APIP: variants seen among roughly 807,000 people sequenced by gnomAD.
APIP encodes the protein methylthioribulose-1-phosphate dehydratase.
Under a neutral mutation model 32.0 loss-of-function variants are expected in APIP, and 32 were observed. That is an observed-to-expected ratio of 1.00 (90% CI 0.76 to 1.34). The LOEUF is 1.34. Among genes scored for constraint, APIP ranks in the 40% most tolerant of loss-of-function variants. The pLI, the probability that APIP is intolerant of heterozygous loss-of-function variation, is 0.00. For missense variants in APIP, 247 were observed against 298.6 expected, an observed-to-expected ratio of 0.83 and a Z score of 1.27; for synonymous variants, 92 against 94.8, an observed-to-expected ratio of 0.97 and a Z score of 0.17.
intron 5 of APIP, 143 bp downstream of exon 5, chr11:34,888,150 C>G: frequency 1.2e-6 from 1 of 833,574 alleles, no homozygotes; most frequent in Non-Finnish European, 1.7e-6. Context: ...GAGAATAGGT[C>G]TAGAAGTGTA....
In APIP at chr11:34,888,362, C is replaced by T. The variant is rs752550686; in HGVS notation, c.392G>A (p.Arg131Gln). ...AVMATLLFPG[R>Q]EFKITHQEMI... The stretch of plus-strand genomic sequence containing the variant: ...CTCTTGATGTGTAATTTTAAACTCC[C>T]GTCCTGGAAAGAGAAGTGTGGCCAT... Residue 131 changes from arginine to glutamine, a missense_variant, in exon 5 of 7, where the codon CGG (arginine) becomes CAG (glutamine). Physicochemically the swap from Arg to Gln is conservative, Grantham distance 43. Transcript: ENST00000395787. The T allele has an allele frequency of 7.4e-6, 12 of 1,610,850 alleles. No homozygotes were observed. Among genetic ancestry groups the T allele is most frequent in the South Asian group, 4.4e-5 (4 of 90,246 alleles).
chr11:34,892,933 C>A (rs2915221), intron 2 of APIP, among the ~76,000 whole-genome samples: 91,323 of 151,942 alleles, frequency 0.6, 28,474 homozygotes, highest in East Asian at 0.74. Flanking sequence ...GGGAAAAAAA[C>A]CAACATTTTA....
intron 1 of APIP, among the ~76,000 whole-genome samples, chr11:34,905,640 A>G (rs1289773362): frequency 6.6e-6 from 1 of 152,138 alleles, no homozygotes; most frequent in African/African-American, 2.4e-5. Context: ...GTTAGTTCAA[A>G]TATTTAGGGA....
chr11:34,912,624 TG>T (rs978371845), intron 1 of APIP, among the ~76,000 whole-genome samples: 3 of 152,192 alleles, frequency 2.0e-5, no homozygotes, highest in African/African-American at 7.2e-5. Context: ...GCTGCCAGCA[TG>T]GCTAGAATAC....
chr11:34,907,073 T>A (rs1853471570), intron 1 of APIP, among the ~76,000 whole-genome samples: 1 of 152,120 alleles, frequency 6.6e-6, no homozygotes, highest in Non-Finnish European at 1.5e-5. Flanking sequence ...CGGCAGGAAG[T>A]AGCCAGAAAG....
chr11:34,909,428 C>T (rs139936146), intron 1 of APIP, among the ~76,000 whole-genome samples: 117 of 152,124 alleles, frequency 7.7e-4, no homozygotes, highest in African/African-American at 2.7e-3. Context: ...TGGAGAAAAA[C>T]GGCAGGGATC....
intron 2 of APIP, among the ~76,000 whole-genome samples, chr11:34,893,429 A>C (rs1009025349): frequency 6.6e-6 from 1 of 152,236 alleles, no homozygotes; most frequent in African/African-American, 2.4e-5. Context: ...ATTATAAATA[A>C]TACAGTTGGG....
intron 6 of APIP, 84 bp from the exon 7 acceptor site, chr11:34,882,900 A>C: frequency 1.0e-6 from 1 of 963,894 alleles, no homozygotes; most frequent in East Asian, 2.5e-5. Flanking sequence ...CCTCTCTTGC[A>C]GTTAACTCTG....
In APIP at chr11:34,888,465, G is replaced by A. The variant is rs1347284893; in HGVS notation, c.326-37C>T. ...AGAAGAAAGCCGCATGCTCAATGAA[G>A]ACTGAATTATAGCTTTTAAAGAAAA... is the stretch of plus-strand genomic sequence containing the variant. On this transcript the variant is annotated intron_variant, in intron 4 of 6. Coordinates refer to ENST00000395787, the MANE Select transcript of APIP (RefSeq NM_015957.4). 1.8e-5 allele frequency: 29 copies of A among 1,593,096 alleles called. No individual in the cohort carries two copies. In the Admixed American group the frequency reaches 5.3e-4, roughly 29 times the overall value.
At chr11:34,895,161 CTA>C in intron 1 of APIP, 51 bp from the exon 2 acceptor site, 2 of 1,500,698 alleles carry the variant, frequency 1.3e-6, no homozygotes, top group Non-Finnish European at 1.9e-6. Flanking sequence ...TATCAAGTAA[CTA>C]TTCCAGCTGG....
chr11:34,901,058 G>A (rs557132753), intron 1 of APIP, among the ~76,000 whole-genome samples: 2 of 152,144 alleles, frequency 1.3e-5, no homozygotes, highest in South Asian at 2.1e-4. Context: ...GGGCCAGATA[G>A]TACCCTAGAA....
intron 3 of APIP, among the ~76,000 whole-genome samples, 162 bp downstream of exon 3, chr11:34,890,342 T>C (rs766689527): frequency 2.9e-4 from 44 of 152,202 alleles, no homozygotes; most frequent in Admixed American, 2.8e-3. Context: ...GGAAGATATC[T>C]ACCACCTTAC....
chr11:34,885,365 A>G (rs1377457158), intron 5 of APIP, among the ~76,000 whole-genome samples: 5 of 151,840 alleles, frequency 3.3e-5, no homozygotes, highest in African/African-American at 4.8e-5. Context: ...TGGTGGTCCT[A>G]TAAGATTATA....
At position 34,916,374 on chromosome 11, in the gene APIP, G is replaced by A. The variant is rs757293776; in HGVS notation, c.-90C>T. Reference sequence around the variant, plus strand: ...GGGATACGGCAGCGAGGCCGCAAATGCAATCAGGCGGCGCTGAGGGCAGCC... The same window carrying A: ...GGGATACGGCAGCGAGGCCGCAAATACAATCAGGCGGCGCTGAGGGCAGCC... On this transcript the variant is annotated 5_prime_UTR_variant, in exon 1 of 7. Coordinates refer to ENST00000395787, the MANE Select transcript of APIP (RefSeq NM_015957.4). 4.4e-5 allele frequency: 69 copies of A among 1,562,516 alleles called. No individual in the cohort carries two copies. In the South Asian group the frequency reaches 7.8e-4, roughly 18 times the overall value.
At chr11:34,898,941 G>A (rs1237711066) in intron 1 of APIP, among the ~76,000 whole-genome samples, 1 of 152,006 alleles carries the variant, frequency 6.6e-6, no homozygotes, top group Non-Finnish European at 1.5e-5. Flanking sequence ...TGGGACTACA[G>A]GCGCCCGCCA....
intron 1 of APIP, among the ~76,000 whole-genome samples, chr11:34,909,170 T>G (rs558336082): frequency 8.5e-5 from 13 of 152,084 alleles, no homozygotes; most frequent in Admixed American, 7.9e-4. Flanking sequence ...AAACGAAGGC[T>G]TCAAAGACTC....
intron 1 of APIP, among the ~76,000 whole-genome samples, chr11:34,903,543 T>C (rs1853398878): frequency 6.6e-6 from 1 of 152,198 alleles, no homozygotes; most frequent in South Asian, 2.1e-4. Context: ...CTGTAAAATA[T>C]CACCAGGAAA....
chr11:34,888,734 A>G lies in APIP; in HGVS notation c.325+18T>C. 1 of 1,471,380 alleles carries G rather than the reference A, an allele frequency of 6.8e-7. No individual in the cohort carries two copies. Among genetic ancestry groups the G allele is most frequent in the Non-Finnish European group, 9.1e-7 (1 of 1,094,592 alleles). The allele number at this position is 1,471,380 out of a possible 1,614,324, so 91.1% of individuals were successfully genotyped here. On this transcript the variant is annotated intron_variant, in intron 4 of 6. Transcript: ENST00000395787. ...TACTCTGCAAATATTCTTTATGTTG[A>G]ATATATTTTCTGCATACCTCTCATT...
intron 1 of APIP, among the ~76,000 whole-genome samples, chr11:34,909,058 C>G (rs1382836540): frequency 3.3e-5 from 5 of 152,032 alleles, no homozygotes; most frequent in African/African-American, 9.7e-5. Flanking sequence ...CCCAGAAGAG[C>G]AGGGAGGCTG....
Sources: allele counts gnomAD v4.1 joint callset (sites outside exome capture counted in the v4.1 genomes callset), GRCh38; gene constraint gnomAD v4.1.1; transcripts MANE v1.5; gene names NCBI Gene and HGNC (gene_info 2026-07-23, HGNC 2026-07-21).